Variants in SLC4A10 observed in about 807,000 individuals in gnomAD.
The protein encoded by SLC4A10 is solute carrier family 4 member 10, also known as sodium-driven chloride bicarbonate exchanger.
SLC4A10 carries 42 observed loss-of-function variants against 137.7 expected under a neutral mutation model. The ratio of observed to expected loss-of-function variants is 0.30; its 90% confidence interval spans 0.24 to 0.39. SLC4A10 has a LOEUF of 0.39. Ranked by LOEUF, SLC4A10 falls within the 10% of genes least tolerant of loss-of-function variation. The pLI is 1.00. For synonymous variants in SLC4A10, 474 were observed against 464.1 expected (o/e 1.02, Z -0.27); for missense variants, 925 against 1,355.0 (o/e 0.68, Z 4.98).
intron 1 of SLC4A10, among the ~76,000 whole-genome samples, chr2:161,679,699 G>GTC (rs2040643901): frequency 6.6e-6 from 1 of 150,642 alleles, no homozygotes; most frequent in African/African-American, 2.4e-5. Flanking sequence ...GTGTGTGTGT[G>GTC]TGTGTGTGTG....
At chr2:161,770,270 G>T (rs2051418289) in intron 1 of SLC4A10, among the ~76,000 whole-genome samples, 1 of 151,692 alleles carries the variant, frequency 6.6e-6, no homozygotes, top group South Asian at 2.1e-4. Context: ...ATTATACTCA[G>T]CCCCCCTGCC....
intron 4 of SLC4A10, among the ~76,000 whole-genome samples, chr2:161,841,933 G>C (rs1431201799): frequency 6.6e-6 from 1 of 151,728 alleles, no homozygotes; most frequent in Non-Finnish European, 1.5e-5. Context: ...TACACAATAG[G>C]GATTATATAA....
chr2:161,746,311 T>C (rs2048378441), intron 1 of SLC4A10, among the ~76,000 whole-genome samples: 1 of 151,242 alleles, frequency 6.6e-6, no homozygotes, highest in Non-Finnish European at 1.5e-5. Context: ...ACAAAAGTCC[T>C]CTTTACTTTT....
chr2:161,918,827 A>G (rs919262651), intron 15 of SLC4A10, among the ~76,000 whole-genome samples: 1 of 152,102 alleles, frequency 6.6e-6, no homozygotes, highest in Non-Finnish European at 1.5e-5. Flanking sequence ...GCAGTAGGGG[A>G]GCTGCATGCT....
At chr2:161,831,885 G>A (rs1347308329) in intron 3 of SLC4A10, among the ~76,000 whole-genome samples, 1 of 151,840 alleles carries the variant, frequency 6.6e-6, no homozygotes, top group Admixed American at 6.6e-5. Context: ...ATGGCTGTTG[G>A]GAGACAAATC....
intron 19 of SLC4A10, among the ~76,000 whole-genome samples, chr2:161,954,529 G>A (rs1048816613): frequency 3.9e-5 from 6 of 152,108 alleles, no homozygotes; most frequent in Non-Finnish European, 8.8e-5. Flanking sequence ...CTGACAAAGG[G>A]ATACTTCTCT....
intron 2 of SLC4A10, among the ~76,000 whole-genome samples, chr2:161,792,239 A>G (rs909392682): frequency 1.3e-5 from 2 of 152,200 alleles, no homozygotes; most frequent in African/African-American, 4.8e-5. Context: ...GAAAAAATGG[A>G]TGAAAATAAA....
At chr2:161,797,157 G>T (rs950260669) in intron 2 of SLC4A10, among the ~76,000 whole-genome samples, 5 of 152,038 alleles carry the variant, frequency 3.3e-5, no homozygotes, top group African/African-American at 1.2e-4. Flanking sequence ...TGCAAGCTTT[G>T]CTGATTATAA....
intron 23 of SLC4A10, among the ~76,000 whole-genome samples, chr2:161,968,310 T>C (rs916020003): frequency 6.6e-6 from 1 of 152,216 alleles, no homozygotes; most frequent in African/African-American, 2.4e-5. Flanking sequence ...TTGGAATTTA[T>C]GAATCTCATA....
At chr2:161,695,766 A>G (rs1574404282) in intron 1 of SLC4A10, among the ~76,000 whole-genome samples, 1 of 152,174 alleles carries the variant, frequency 6.6e-6, no homozygotes, top group South Asian at 2.1e-4. Context: ...TCACTCTTTC[A>G]TTAAACTTAA....
At chr2:161,927,583 C>CA (rs1312072927) in intron 15 of SLC4A10, among the ~76,000 whole-genome samples, 4 of 152,128 alleles carry the variant, frequency 2.6e-5, no homozygotes, top group African/African-American at 7.2e-5. Flanking sequence ...AGTGAACAGG[C>CA]AACCTACAAA....
In SLC4A10 at chr2:161,776,991, G is replaced by A. The variant is rs544577647; in HGVS notation, c.130+5937G>A. ...TTTAACATCTTTTCATGTACTTGTT[G>A]CTCACTTGCATATCAACTTTGAGAA... On this transcript the variant is annotated intron_variant, in intron 2 of 26. Coordinates refer to ENST00000446997, the MANE Select transcript of SLC4A10 (RefSeq NM_001178015.2). 4.0e-5 allele frequency among the ~76,000 whole-genome samples: 6 copies of A among 150,874 alleles called. No homozygotes were observed. In the East Asian group the frequency reaches 1.2e-3, roughly 30 times the overall value.
chr2:161,789,962 A>T (rs1443652928), intron 2 of SLC4A10, among the ~76,000 whole-genome samples: 3 of 152,192 alleles, frequency 2.0e-5, no homozygotes, highest in Non-Finnish European at 4.4e-5. Context: ...AAGTCACTCT[A>T]TCTGATAAGC....
chr2:161,753,855 G>GTTATTTATTTATTTAT (rs151205439), intron 1 of SLC4A10, among the ~76,000 whole-genome samples: 4 of 134,750 alleles, frequency 3.0e-5, no homozygotes, highest in Admixed American at 7.5e-5. Flanking sequence ...AATAACTCGA[G>GTTATTTATTTATTTAT]TTATTTATTT....
chr2:161,723,768 C>T (rs1574579605), intron 1 of SLC4A10, among the ~76,000 whole-genome samples: 1 of 151,964 alleles, frequency 6.6e-6, no homozygotes, highest in South Asian at 2.1e-4. Flanking sequence ...GAGATAGAAC[C>T]CAGGCTTGAA....
At chr2:161,760,389 T>C (rs1029405260) in intron 1 of SLC4A10, among the ~76,000 whole-genome samples, 2 of 152,056 alleles carry the variant, frequency 1.3e-5, no homozygotes, top group Non-Finnish European at 2.9e-5. Flanking sequence ...CATATATACA[T>C]ATAATTTCTC....
chr2:161,824,192 A>G (rs9636285), intron 3 of SLC4A10, among the ~76,000 whole-genome samples: 10,125 of 152,280 alleles, frequency 0.066, 442 homozygotes, highest in East Asian at 0.15. Context: ...CACAAAACTT[A>G]TAATCAGCTT....
intron 1 of SLC4A10, among the ~76,000 whole-genome samples, chr2:161,652,789 CTTT>C (rs10716126): frequency 1.5e-4 from 22 of 143,136 alleles, no homozygotes; most frequent in Admixed American, 2.8e-4. Flanking sequence ...ACCGTTTATT[CTTT>C]TTTTTTTTTT....
chr2:161,691,645 A>G (rs948972988), intron 1 of SLC4A10, among the ~76,000 whole-genome samples: 4 of 152,102 alleles, frequency 2.6e-5, no homozygotes, highest in Non-Finnish European at 4.4e-5. Context: ...TAAAAAGTAA[A>G]TAAGTATTAT....
Sources: gnomAD v4.1 joint callset for allele counts (sites outside exome capture counted in the v4.1 genomes callset) on GRCh38, gnomAD v4.1.1 for gene constraint, MANE v1.5 for transcripts, NCBI Gene and HGNC (gene_info 2026-07-23, HGNC 2026-07-21) for gene names.